SP140L: variants seen among roughly 807,000 people sequenced by gnomAD.
SP140L encodes SP140 like nuclear body protein, also known as nuclear body protein SP140-like protein.
Under a neutral mutation model 84.3 loss-of-function variants are expected in SP140L, and 64 were observed. The ratio of observed to expected loss-of-function variants is 0.76; its 90% CI spans 0.62 to 0.94. The LOEUF is 0.94. SP140L is among the 40% of genes least tolerant of loss of function. SP140L has a pLI of 0.00. For synonymous variants in SP140L, 242 were observed against 236.9 expected (o/e 1.02, Z -0.20); for missense variants, 628 against 692.5 (o/e 0.91, Z 1.05).
chr2:230,360,120 A>C (rs1331939594), intron 4 of SP140L, among the ~76,000 whole-genome samples: 1 of 152,232 alleles, frequency 6.6e-6, no homozygotes, highest in Non-Finnish European at 1.5e-5. Context: ...ATCTCAACCC[A>C]GTTCTCCAAA....
chr2:230,332,299 A>G (rs1235599265), intron 2 of SP140L, among the ~76,000 whole-genome samples: 1 of 152,268 alleles, frequency 6.6e-6, no homozygotes, highest in African/African-American at 2.4e-5. Flanking sequence ...ACCTTAAAAT[A>G]CAAAAGTAGC....
intron 2 of SP140L, among the ~76,000 whole-genome samples, chr2:230,352,411 C>T (rs1039407159): frequency 6.6e-6 from 1 of 152,140 alleles, no homozygotes; most frequent in Non-Finnish European, 1.5e-5. Context: ...GGGAAGCAGG[C>T]ACCTCTTCAC....
intron 7 of SP140L, among the ~76,000 whole-genome samples, chr2:230,373,584 A>G (rs957451219): frequency 6.6e-6 from 1 of 152,190 alleles, no homozygotes; most frequent in African/African-American, 2.4e-5. Context: ...TTCCTCAGAA[A>G]AAAAGACTCT....
At chr2:230,367,717 G>T (rs2060932538) in intron 5 of SP140L, among the ~76,000 whole-genome samples, 1 of 152,232 alleles carries the variant, frequency 6.6e-6, no homozygotes. Flanking sequence ...GGAGGTTAAG[G>T]TGGGCAGATC....
At chr2:230,368,443 T>C (rs933600939) in intron 5 of SP140L, among the ~76,000 whole-genome samples, 1 of 152,136 alleles carries the variant, frequency 6.6e-6, no homozygotes, top group African/African-American at 2.4e-5. Flanking sequence ...GTTGGTGTAG[T>C]CTTGTTTAGA....
At chr2:230,362,596 A>G (rs2060751611) in intron 5 of SP140L, among the ~76,000 whole-genome samples, 2 of 138,106 alleles carry the variant, frequency 1.4e-5, no homozygotes, top group East Asian at 2.7e-4. Flanking sequence ...AAAAATAACC[A>G]TGTTATTAAC....
chr2:230,354,861 G>GAA (rs1261235621), intron 2 of SP140L, among the ~76,000 whole-genome samples: 1 of 95,858 alleles, frequency 1.0e-5, no homozygotes, highest in African/African-American at 3.7e-5. Context: ...AAGAAAGAAA[G>GAA]AAAGAAAGAA....
rs561863433 is a variant in SP140L at position 230,374,680 on chromosome 2, G to A, written c.637+3029G>A. ...CATTTATCAACCACCACCATGATCAGTCAGCAGCCATCCACACCCAGGCAA... is the reference window on the plus strand; with the variant it reads ...CATTTATCAACCACCACCATGATCAATCAGCAGCCATCCACACCCAGGCAA... On this transcript the variant is annotated intron_variant, in intron 7 of 18. Coordinates refer to ENST00000415673, the MANE Select transcript of SP140L (RefSeq NM_138402.6). Among the ~76,000 whole-genome samples, 4 of 152,276 alleles carry A rather than the reference G, an allele frequency of 2.6e-5. No individual in the cohort carries two copies. In the East Asian group the frequency reaches 5.8e-4, roughly 22 times the overall value.
intron 11 of SP140L, 179 bp from the exon 12 acceptor site, chr2:230,391,908 A>C (rs969988111): frequency 8.2e-6 from 6 of 735,198 alleles, no homozygotes; most frequent in South Asian, 6.1e-5. Context: ...CAGGAAATAT[A>C]CTTAGAGGGG....
At chr2:230,365,832 A>G (rs561600686) in intron 5 of SP140L, among the ~76,000 whole-genome samples, 2 of 151,276 alleles carry the variant, frequency 1.3e-5, no homozygotes, top group South Asian at 2.1e-4. Context: ...TTGTGTTTCC[A>G]TTTTCATTTG....
intron 2 of SP140L, among the ~76,000 whole-genome samples, chr2:230,353,620 C>G (rs1418826553): frequency 6.6e-6 from 1 of 152,012 alleles, no homozygotes; most frequent in East Asian, 1.9e-4. Flanking sequence ...TTTTGTGTCA[C>G]TGCATCTTTA....
At chr2:230,355,837 TAAAG>T (rs2060528199) in intron 2 of SP140L, among the ~76,000 whole-genome samples, 1 of 152,032 alleles carries the variant, frequency 6.6e-6, no homozygotes, top group African/African-American at 2.4e-5. Flanking sequence ...TCATCAAAAT[TAAAG>T]ATTTTTTCCT....
chr2:230,355,412 T>C (rs774407228), intron 2 of SP140L, among the ~76,000 whole-genome samples: 13 of 152,194 alleles, frequency 8.5e-5, no homozygotes, highest in Non-Finnish European at 1.5e-4. Flanking sequence ...TTAAAATTAA[T>C]CTAAATAAGT....
At chr2:230,366,745 A>T (rs1237584554) in intron 5 of SP140L, among the ~76,000 whole-genome samples, 1 of 143,522 alleles carries the variant, frequency 7.0e-6, no homozygotes, top group African/African-American at 2.6e-5. Context: ...TATTATTATT[A>T]TTTTTGGAGA....
At chr2:230,358,827 G>A in intron 3 of SP140L, 137 bp from the exon 4 acceptor site, 1 of 686,898 alleles carries the variant, frequency 1.5e-6, no homozygotes. Flanking sequence ...ATACAAATAT[G>A]TAAAAATTAT....
At chr2:230,380,500 C>A (rs1312281855) in intron 7 of SP140L, among the ~76,000 whole-genome samples, 3 of 152,140 alleles carry the variant, frequency 2.0e-5, no homozygotes, top group African/African-American at 7.2e-5. Flanking sequence ...ATAAAATTTA[C>A]AATGAAATGC....
intron 2 of SP140L, among the ~76,000 whole-genome samples, chr2:230,351,394 A>G (rs1057392144): frequency 6.6e-6 from 1 of 152,148 alleles, no homozygotes; most frequent in Non-Finnish European, 1.5e-5. Flanking sequence ...CTTTTATTTA[A>G]GCTGCCTGTT....
intron 12 of SP140L, 104 bp from the exon 13 acceptor site, chr2:230,393,309 GC>G: frequency 1.6e-6 from 2 of 1,273,854 alleles, no homozygotes; most frequent in Non-Finnish European, 2.1e-6. Context: ...GTTTGAGCTG[GC>G]ATTGGAACAC....
intron 3 of SP140L, among the ~76,000 whole-genome samples, chr2:230,358,725 C>T (rs1192407949): frequency 6.6e-6 from 1 of 152,156 alleles, no homozygotes; most frequent in East Asian, 1.9e-4. Context: ...AAAGTTGCTC[C>T]TTTTTACATC....
Sources: gnomAD v4.1 joint callset for allele counts (sites outside exome capture counted in the v4.1 genomes callset) on GRCh38, gnomAD v4.1.1 for gene constraint, MANE v1.5 for transcripts, NCBI Gene and HGNC (gene_info 2026-07-23, HGNC 2026-07-21) for gene names.